Variants in UBA6 observed in about 807,000 individuals in gnomAD.
The protein encoded by UBA6 is ubiquitin-like modifier-activating enzyme 6.
In UBA6, 87 loss-of-function variants were observed where a neutral mutation model predicts 148.3. The ratio of observed to expected loss-of-function variants is 0.59; its 90% CI spans 0.49 to 0.70. The LOEUF (loss-of-function observed/expected upper bound fraction) is 0.70. Among genes scored for constraint, UBA6 ranks in the 30% least tolerant of loss-of-function variants. The pLI is 0.00. For missense variants in UBA6, 1,186 were observed against 1,241.2 expected, an observed-to-expected ratio of 0.96 and a Z score of 0.67; for synonymous variants, 376 against 401.0, an observed-to-expected ratio of 0.94 and a Z score of 0.75.
intron 17 of UBA6, among the ~76,000 whole-genome samples, chr4:67,642,050 T>C (rs1310908495): frequency 6.6e-6 from 1 of 152,110 alleles, no homozygotes; most frequent in Non-Finnish European, 1.5e-5. Context: ...GTAATTATGT[T>C]AGGGAGTGTC....
At chr4:67,671,569 A>G (rs1218529832) in intron 7 of UBA6, among the ~76,000 whole-genome samples, 2 of 152,118 alleles carry the variant, frequency 1.3e-5, no homozygotes, top group Admixed American at 6.5e-5. Flanking sequence ...TTATTTTGTA[A>G]TACTGCTGTG....
At chr4:67,696,518 T>TAC (rs4058361) in intron 2 of UBA6, 127 bp downstream of exon 2, 8,945 of 561,662 alleles carry the variant, frequency 0.016, 46 homozygotes, top group Middle Eastern at 0.031. Context: ...CATATATACA[T>TAC]ACACACACAC....
rs371095359 is a variant in UBA6 at position 67,682,109 on chromosome 4, T to C, written c.229+10A>G. 4 of 1,605,148 alleles carry C rather than the reference T, an allele frequency of 2.5e-6. No homozygotes were observed. Among genetic ancestry groups the C allele is most frequent in the Admixed American group, 3.3e-5 (2 of 59,952 alleles). On this transcript the variant is annotated intron_variant, in intron 3 of 32. Coordinates refer to ENST00000322244, the MANE Select transcript of UBA6 (RefSeq NM_018227.6). ...AAGTGTCAAAAATTAGGAATATAAA[T>C]ATTGCTTACCAATTTCCAAACCAAG...
At chr4:67,652,179 T>C (rs1261266911) in intron 13 of UBA6, among the ~76,000 whole-genome samples, 2 of 152,140 alleles carry the variant, frequency 1.3e-5, no homozygotes, top group Admixed American at 6.5e-5. Context: ...TCAGAGACTA[T>C]TGTAAAACAC....
chr4:67,696,746 ATAATG>A, intron 1 of UBA6, 39 bp from the exon 2 acceptor site: 1 of 1,510,302 alleles, frequency 6.6e-7, no homozygotes, highest in Non-Finnish European at 9.2e-7. Context: ...TTCACATTTT[ATAATG>A]TAATATTTGA....
At chr4:67,676,126 C>T (rs1013569397) in intron 6 of UBA6, among the ~76,000 whole-genome samples, 5 of 150,242 alleles carry the variant, frequency 3.3e-5, no homozygotes, top group East Asian at 2.0e-4. Context: ...CGGGTTCAAG[C>T]GATTCTCCTG....
chr4:67,676,563 G>C (rs1252476154), intron 6 of UBA6, among the ~76,000 whole-genome samples: 1 of 152,150 alleles, frequency 6.6e-6, no homozygotes, highest in Non-Finnish European at 1.5e-5. Flanking sequence ...TTATGAAGAA[G>C]GGGAGGTCTC....
At chr4:67,635,836 A>G (rs1729126104) in intron 19 of UBA6, among the ~76,000 whole-genome samples, 1 of 142,744 alleles carries the variant, frequency 7.0e-6, no homozygotes, top group Non-Finnish European at 1.6e-5. Context: ...CTTGCTTTAT[A>G]TTTCTTCTTT....
rs1729415901 is a variant in UBA6 at position 67,646,079 on chromosome 4, A to G, written c.1317-63T>C. 6 of 871,384 alleles carry G rather than the reference A, an allele frequency of 6.9e-6. No homozygotes were observed. The Admixed American group carries it at 1.4e-4, about 20-fold the overall frequency. 54.0% of individuals were successfully genotyped at this position (871,384 alleles called of 1,614,324 possible). A position where few individuals can be genotyped will look rare whatever the true frequency, so the allele number is the denominator to read the frequency against. The stretch of plus-strand genomic sequence containing the variant: ...AAACATTAAAATTAGTTTCACTGTC[A>G]TTAATACCAATTTAATGTTGTACTT... On this transcript the variant is annotated intron_variant, in intron 15 of 32. Transcript: ENST00000322244.
intron 16 of UBA6, 47 bp downstream of exon 16, chr4:67,645,891 T>A: frequency 8.4e-7 from 1 of 1,196,360 alleles, no homozygotes. Flanking sequence ...TAAGTTGATA[T>A]ACGATAGCAG....
Position 67,665,241 on chromosome 4 carries a change from T to A in UBA6, c.845A>T (p.Tyr282Phe). The A allele has an allele frequency of 6.2e-7, 1 of 1,607,416 alleles. No individual in the cohort carries two copies. The highest frequency in any genetic ancestry group is 8.5e-7 in the Non-Finnish European group (1 of 1,178,114). ...TTGGACAGCTATGCCTCCATGTAAA[T>A]ATGGTTCCAGTTCTGTGGTGTCACC... ...SIGDTTELEPYLHGGIAVQVK... is the reference protein window; with the variant it reads ...SIGDTTELEPFLHGGIAVQVK... The change falls in exon 10 of 33, where the codon TAT becomes TTT. Residue 282 changes from tyrosine to phenylalanine, a missense_variant. Tyr to Phe is a conservative substitution (Grantham distance 22). Transcript: ENST00000322244.
chr4:67,635,053 T>C (rs185201807), intron 20 of UBA6, among the ~76,000 whole-genome samples: 24 of 151,398 alleles, frequency 1.6e-4, no homozygotes, highest in Middle Eastern at 6.8e-3. Flanking sequence ...CATTCTATTA[T>C]AGAGTACATT....
At chr4:67,628,626 C>A (rs994117794) in intron 27 of UBA6, among the ~76,000 whole-genome samples, 3 of 151,770 alleles carry the variant, frequency 2.0e-5, no homozygotes, top group Non-Finnish European at 4.4e-5. Context: ...TCCCTCTCCG[C>A]CCAAAATACA....
Position 67,677,644 on chromosome 4 carries a change from C to A in UBA6, c.432G>T (p.Glu144Asp). The A allele has an allele frequency of 6.3e-7, 1 of 1,598,032 alleles. No homozygotes were observed. Among genetic ancestry groups the A allele is most frequent in the South Asian group, 1.1e-5 (1 of 90,082 alleles). Residue 144 changes from glutamate (E) to aspartate (D), a missense_variant, in exon 6 of 33, where the codon GAG (glutamate) becomes GAT (aspartate). By Grantham distance (45) the Glu-to-Asp change is conservative. Coordinates refer to ENST00000322244, the MANE Select transcript of UBA6 (RefSeq NM_018227.6). ...HVTSSSVPFN[E>D]TTDLSFLDKY... ...TATCTAAAAAGGAGAGATCTGTGGT[C>A]TCATTGAAAGGAACAGAAGATGATG...
At chr4:67,660,106 G>A (rs1729812020) in intron 13 of UBA6, among the ~76,000 whole-genome samples, 1 of 152,038 alleles carries the variant, frequency 6.6e-6, no homozygotes, top group African/African-American at 2.4e-5. Context: ...ACAAAAAGAT[G>A]GTTTGGAATT....
At chr4:67,633,622 T>A in intron 22 of UBA6, 149 bp from the exon 23 acceptor site, 1 of 623,870 alleles carries the variant, frequency 1.6e-6, no homozygotes, top group South Asian at 3.3e-5. Flanking sequence ...CCTTCCTTCT[T>A]CTTTAACCTT....
At position 67,634,383 on chromosome 4, in the gene UBA6, C is replaced by T. The variant is rs542656950; in HGVS notation, c.1932+46G>A. 7 of 1,548,570 alleles carry T rather than the reference C, an allele frequency of 4.5e-6. No homozygotes were observed. The African/African-American group carries it at 5.6e-5, about 12-fold the overall frequency. ...GAAGTCTGTTTAAAGTCAGAAATAT[C>T]TTCTTTCTCACTTCAAAGAAAATAA... On this transcript the variant is annotated intron_variant, in intron 21 of 32. Transcript: ENST00000322244.
chr4:67,676,339 T>C (rs1019777714), intron 6 of UBA6, among the ~76,000 whole-genome samples: 4 of 152,212 alleles, frequency 2.6e-5, no homozygotes, highest in Non-Finnish European at 5.9e-5. Flanking sequence ...TACTACTTTT[T>C]ACATTAAGTT....
intron 18 of UBA6, among the ~76,000 whole-genome samples, chr4:67,640,071 G>T (rs575894435): frequency 1.3e-5 from 2 of 152,100 alleles, no homozygotes; most frequent in Non-Finnish European, 2.9e-5. Context: ...CATTTGCTTT[G>T]GCATTAAATA....
Sources: gnomAD v4.1 joint callset for allele counts (sites outside exome capture counted in the v4.1 genomes callset) on GRCh38, gnomAD v4.1.1 for gene constraint, MANE v1.5 for transcripts, NCBI Gene and HGNC (gene_info 2026-07-23, HGNC 2026-07-21) for gene names.